HEXA: variants seen among roughly 807,000 people sequenced by gnomAD.
HEXA encodes beta-hexosaminidase subunit alpha.
Under a neutral mutation model 73.3 loss-of-function variants are expected in HEXA, and 54 were observed. The observed-to-expected ratio is 0.74, with a 90% CI of 0.59 to 0.92. The LOEUF (loss-of-function observed/expected upper bound fraction) is 0.92. Among genes scored for constraint, HEXA ranks in the 40% least tolerant of loss-of-function variants. HEXA has a pLI of 0.00. For missense variants in HEXA, 649 were observed against 653.0 expected (o/e 0.99, Z 0.07); for synonymous variants, 230 against 246.9 (o/e 0.93, Z 0.64).
intron 1 of HEXA, 26 bp from the exon 2 acceptor site, chr15:72,356,643 C>A: frequency 6.2e-7 from 1 of 1,613,026 alleles, no homozygotes; most frequent in Non-Finnish European, 8.5e-7. Context: ...AAGCTTGGTG[C>A]GGCCAACCTG....
Position 72,351,019 on chromosome 15 carries a change from T to C in HEXA, c.672+114A>G. Reference sequence around the variant, plus strand: ...GACTCCAAATCCAGTGTCCTTCCCCTATATTGGTCTAAAACTGGCTGGTTA... The same window carrying C: ...GACTCCAAATCCAGTGTCCTTCCCCCATATTGGTCTAAAACTGGCTGGTTA... On this transcript the variant is annotated intron_variant, in intron 6 of 13. Coordinates refer to ENST00000268097, the MANE Select transcript of HEXA (RefSeq NM_000520.6). 4.0e-6 allele frequency: 3 copies of C among 753,864 alleles called. No individual in the cohort carries two copies. The South Asian group carries it at 4.4e-5, about 11-fold the overall frequency. 46.7% of individuals were successfully genotyped at this position (753,864 alleles called of 1,614,324 possible). A position where few individuals can be genotyped will look rare whatever the true frequency, so the allele number is the denominator to read the frequency against.
At position 72,345,685 on chromosome 15, in the gene HEXA, G is replaced by A. The variant is rs2088603522; in HGVS notation, c.1422-135C>T. 5.5e-6 allele frequency: 8 copies of A among 1,466,390 alleles called. No individual in the cohort carries two copies. The South Asian group carries it at 8.6e-5, about 16-fold the overall frequency. The allele number at this position is 1,466,390 out of a possible 1,614,324, so 90.8% of individuals were successfully genotyped here. A position where few individuals can be genotyped will look rare whatever the true frequency, so the allele number is the denominator to read the frequency against. ...AAGGAAGTGATCAATACCTTGTTAT[G>A]AGCCACAGCCAGGTTGGATGGCTCC... is the stretch of plus-strand genomic sequence containing the variant. On this transcript the variant is annotated intron_variant, in intron 12 of 13. Coordinates refer to ENST00000268097, the MANE Select transcript of HEXA (RefSeq NM_000520.6).
intron 12 of HEXA, 22 bp downstream of exon 12, chr15:72,346,213 C>T (rs776749941): frequency 6.3e-6 from 10 of 1,588,354 alleles, no homozygotes; most frequent in Non-Finnish European, 8.6e-6. Flanking sequence ...CAACCCTCCA[C>T]CTCCCCCCCG....
At chr15:72,374,672 G>A (rs936218520) in intron 1 of HEXA, among the ~76,000 whole-genome samples, 1 of 152,156 alleles carries the variant, frequency 6.6e-6, no homozygotes, top group Admixed American at 6.5e-5. Flanking sequence ...CAGCAGAATT[G>A]TATTCCTTTA....
chr15:72,351,429 A>G, intron 5 of HEXA, 195 bp from the exon 6 acceptor site: 1 of 644,072 alleles, frequency 1.6e-6, no homozygotes, highest in South Asian at 1.8e-5. Context: ...AAGGCCCAGC[A>G]CACTTCTACT....
At position 72,346,318 on chromosome 15, in the gene HEXA, A is replaced by T. The variant is rs34085965; in HGVS notation, c.1338T>A (p.Pro446=). Residue 446 remains proline, a synonymous_variant, in exon 12 of 14, where the codon CCT becomes CCA. Coordinates refer to ENST00000268097, the MANE Select transcript of HEXA (RefSeq NM_000520.6). ...CACCAATCACCAGAGCCTTCTGCTCAGGGGTACCTGAGGGAAAACAAGCAA... is the reference window on the plus strand; with the variant it reads ...CACCAATCACCAGAGCCTTCTGCTCTGGGGTACCTGAGGGAAAACAAGCAA... ...IVEPLAFEGT[P]EQKALVIGGE... is the part of the protein sequence containing the mutation. The T allele has an allele frequency of 6.2e-7, 1 of 1,613,632 alleles. No individual in the cohort carries two copies. Among genetic ancestry groups the T allele is most frequent in the Admixed American group, 1.7e-5 (1 of 59,990 alleles).
chr15:72,346,211 C>T (rs1405687492), intron 12 of HEXA, 24 bp downstream of exon 12: 2 of 1,580,974 alleles, frequency 1.3e-6, no homozygotes, highest in Middle Eastern at 1.7e-4. Context: ...CCCAACCCTC[C>T]ACCTCCCCCC....
chr15:72,375,986 C>T lies in HEXA; in HGVS notation c.-14G>A, dbSNP rs993620135. 2 of 1,612,142 alleles carry T rather than the reference C, an allele frequency of 1.2e-6. No homozygotes were observed. The highest frequency in any genetic ancestry group is 1.7e-6 in the Non-Finnish European group (2 of 1,180,004). ...GGAGCTTGTCATGGCCCGCTGGTCTCCCCTCTCGGAGGGGGCTGGCCACGT... is the reference window on the plus strand; with the variant it reads ...GGAGCTTGTCATGGCCCGCTGGTCTTCCCTCTCGGAGGGGGCTGGCCACGT... On this transcript the variant is annotated 5_prime_UTR_variant, in exon 1 of 14. Coordinates refer to ENST00000268097, the MANE Select transcript of HEXA (RefSeq NM_000520.6).
chr15:72,345,628 C>T, intron 12 of HEXA, 78 bp from the exon 13 acceptor site: 1 of 1,580,448 alleles, frequency 6.3e-7, no homozygotes, highest in Non-Finnish European at 8.6e-7. Flanking sequence ...GCTGCTACCT[C>T]TTGTCTAGGC....
intron 7 of HEXA, 117 bp downstream of exon 7, chr15:72,350,401 G>A: frequency 9.0e-7 from 1 of 1,109,710 alleles, no homozygotes; most frequent in African/African-American, 1.5e-5. Flanking sequence ...AGAAGTCGAT[G>A]GAAAACATTC....
chr15:72,346,286 G>A lies in HEXA; in HGVS notation c.1370C>T (p.Ala457Val). 1.9e-6 allele frequency: 3 copies of A among 1,614,032 alleles called. No individual in the cohort carries two copies. Among genetic ancestry groups the A allele is most frequent in the Non-Finnish European group, 2.5e-6 (3 of 1,179,952 alleles). Residue 457 changes from alanine (A) to valine (V), a missense_variant, in exon 12 of 14, where the codon GCT (alanine) becomes GTT (valine). Ala to Val is a moderately conservative substitution (Grantham distance 64). Coordinates refer to ENST00000268097, the MANE Select transcript of HEXA (RefSeq NM_000520.6). ...GTCCACATATTCTCCCCACATACAA[G>A]CCTCTCCACCAATCACCAGAGCCTT... is the stretch of plus-strand genomic sequence containing the variant. ...EQKALVIGGEACMWGEYVDNT... is the reference protein window; with the variant it reads ...EQKALVIGGEVCMWGEYVDNT...
rs965759418 is a variant in HEXA at position 72,343,718 on chromosome 15, G to A, written c.*359C>T. On this transcript the variant is annotated 3_prime_UTR_variant, in exon 14 of 14. Transcript: ENST00000268097. ...GTGTCTGGAATATGGTCAGGAGTGG[G>A]AGGGGAGTGACATAGCTCACAGGCA... 1 of 330,546 alleles carries A rather than the reference G, an allele frequency of 3.0e-6. No individual in the cohort carries two copies. Among genetic ancestry groups the A allele is most frequent in the African/African-American group, 2.1e-5 (1 of 46,670 alleles). The allele number at this position is 330,546 out of a possible 1,614,324, so 20.5% of individuals were successfully genotyped here.
rs1321597225 is a variant in HEXA at position 72,346,607 on chromosome 15, G to T, written c.1250C>A (p.Ser417Tyr). 1 of 1,614,030 alleles carries T rather than the reference G, an allele frequency of 6.2e-7. No individual in the cohort carries two copies. Among genetic ancestry groups the T allele is most frequent in the Non-Finnish European group, 8.5e-7 (1 of 1,180,006 alleles). ...TATACGGTTCAGGTACCAGGGGGCA[G>T]AGAGAAGGGCCCGGAAGCCGGCCTT... ...VTKAGFRALL[S>Y]APWYLNRISY... Residue 417 changes from serine to tyrosine, a missense_variant, in exon 11 of 14, where the codon TCT (serine) becomes TAT (tyrosine). Physicochemically the swap from Ser to Tyr is moderately radical, Grantham distance 144. Coordinates refer to ENST00000268097, the MANE Select transcript of HEXA (RefSeq NM_000520.6).
At chr15:72,353,296 G>A in intron 4 of HEXA, 118 bp from the exon 5 acceptor site, 1 of 727,122 alleles carries the variant, frequency 1.4e-6, no homozygotes, top group Non-Finnish European at 2.5e-6. Flanking sequence ...TGTTCTCAGG[G>A]TCGCTCTCTC....
At chr15:72,349,718 C>T (rs2088669910) in intron 7 of HEXA, among the ~76,000 whole-genome samples, 2 of 152,220 alleles carry the variant, frequency 1.3e-5, no homozygotes. Context: ...AGACTACTTC[C>T]TGACGCTGAG....
At chr15:72,362,474 A>C (rs2140333275) in intron 1 of HEXA, 1 of 455,668 alleles carries the variant, frequency 2.2e-6, no homozygotes, top group South Asian at 1.6e-5. Flanking sequence ...TTGCTGAAAA[A>C]ATGAATGATG....
intron 1 of HEXA, among the ~76,000 whole-genome samples, chr15:72,363,050 T>G (rs1001410781): frequency 3.3e-5 from 5 of 152,216 alleles, no homozygotes; most frequent in African/African-American, 1.2e-4. Flanking sequence ...TGCCAAAGTT[T>G]GTTCCCATGC....
In HEXA at chr15:72,346,662, T is replaced by C. The variant is rs1800430; in HGVS notation, c.1195A>G (p.Asn399Asp). ...ACCAGTTCCAGCTCCTTCATATAGTTCACTGGAATATCCTCTCGCCACACC... is the reference window on the plus strand; with the variant it reads ...ACCAGTTCCAGCTCCTTCATATAGTCCACTGGAATATCCTCTCGCCACACC... Reference protein sequence around the residue: ...IQVWREDIPVNYMKELELVTK... With the variant: ...IQVWREDIPVDYMKELELVTK... Residue 399 changes from asparagine to aspartate, a missense_variant, in exon 11 of 14, where the codon AAC (asparagine) becomes GAC (aspartate). Asn to Asp is a conservative substitution (Grantham distance 23). Transcript: ENST00000268097. The C allele has an allele frequency of 7.3e-3, 11,812 of 1,614,028 alleles. 451 individuals carry two copies. The African/African-American group carries it at 0.11, about 14-fold the overall frequency.
chr15:72,364,844 C>T (rs1389549998), intron 1 of HEXA, among the ~76,000 whole-genome samples: 1 of 136,082 alleles, frequency 7.3e-6, no homozygotes, highest in Admixed American at 7.7e-5. Context: ...TTTTTAGAGA[C>T]AGGGTCTTGC....
Sources: allele counts gnomAD v4.1 joint callset (sites outside exome capture counted in the v4.1 genomes callset), GRCh38; gene constraint gnomAD v4.1.1; transcripts MANE v1.5; gene names NCBI Gene and HGNC (gene_info 2026-07-23, HGNC 2026-07-21).